Variants in PSMD1 observed in about 807,000 individuals in gnomAD.
PSMD1 encodes the protein 26S proteasome non-ATPase regulatory subunit 1.
In PSMD1, 18 loss-of-function variants were observed where a neutral mutation model predicts 119.0. The observed-to-expected ratio is 0.15, with a 90% CI of 0.10 to 0.22. The LOEUF (loss-of-function observed/expected upper bound fraction) is 0.22, where lower values mean the gene tolerates loss of function less well. PSMD1 is among the 10% of genes least tolerant of loss of function. The probability of loss-of-function intolerance (pLI) is 1.00; values close to 1 mark genes in which losing one functional copy is unlikely to be tolerated. For synonymous variants in PSMD1, 374 were observed against 396.6 expected (o/e 0.94, Z 0.68); for missense variants, 702 against 1,158.5 (o/e 0.61, Z 5.72).
chr2:231,091,952 CAG>C lies in PSMD1; in HGVS notation c.1883+4772_1883+4773del, dbSNP rs983477473. On this transcript the variant is annotated intron_variant, in intron 16 of 24. Transcript: ENST00000308696. ...TCCCCTGTATATTCTAAGGCAGCCTCAGGGGCTTGCAGGCGTGCAAGAATCTT... is the reference window on the plus strand; with the variant it reads ...TCCCCTGTATATTCTAAGGCAGCCTCGGGCTTGCAGGCGTGCAAGAATCTT... 7.9e-5 allele frequency among the ~76,000 whole-genome samples: 12 copies of C among 152,248 alleles called. No individual in the cohort carries two copies. The East Asian group carries it at 9.7e-4, about 12-fold the overall frequency.
At chr2:231,161,550 A>T (rs1472491075) in intron 20 of PSMD1, 41 bp downstream of exon 20, 1 of 1,546,138 alleles carries the variant, frequency 6.5e-7, no homozygotes, top group Non-Finnish European at 8.8e-7. Context: ...TTTCCTGTTC[A>T]CCGTATCTTA....
At chr2:231,131,485 G>T (rs1328274998) in intron 16 of PSMD1, among the ~76,000 whole-genome samples, 1 of 106,672 alleles carries the variant, frequency 9.4e-6, no homozygotes, top group Non-Finnish European at 1.7e-5. Flanking sequence ...TGCCCTTGCC[G>T]GGCGCGGTGG....
chr2:231,158,267 G>A (rs11893395), intron 19 of PSMD1, among the ~76,000 whole-genome samples: 65,911 of 151,760 alleles, frequency 0.43, 15,705 homozygotes, highest in East Asian at 0.62. Context: ...CTGAGATTGT[G>A]CCACCGCACT....
At chr2:231,057,597 T>C (rs1693635386) in intron 1 of PSMD1, among the ~76,000 whole-genome samples, 1 of 152,238 alleles carries the variant, frequency 6.6e-6, no homozygotes, top group Non-Finnish European at 1.5e-5. Context: ...CAGAGAACTT[T>C]TGGGTTCGGC....
intron 19 of PSMD1, among the ~76,000 whole-genome samples, chr2:231,159,952 A>G (rs185967155): frequency 1.3e-5 from 2 of 152,236 alleles, no homozygotes; most frequent in Non-Finnish European, 1.5e-5. Flanking sequence ...ATCTAATGCC[A>G]CAGCTGATTT....
chr2:231,111,248 C>T (rs185627217), intron 16 of PSMD1, among the ~76,000 whole-genome samples: 1 of 152,304 alleles, frequency 6.6e-6, no homozygotes, highest in Admixed American at 6.5e-5. Context: ...AGAACAATCC[C>T]TAAGATTATG....
intron 16 of PSMD1, among the ~76,000 whole-genome samples, chr2:231,093,090 C>T (rs1486272960): frequency 6.6e-6 from 1 of 152,016 alleles, no homozygotes; most frequent in Non-Finnish European, 1.5e-5. Flanking sequence ...GGTGTCTGCC[C>T]AAGTAACAGG....
At chr2:231,113,684 C>A (rs1467680113) in intron 16 of PSMD1, 1 of 1,559,548 alleles carries the variant, frequency 6.4e-7, no homozygotes, top group South Asian at 1.1e-5. Context: ...CCAAGTGGAA[C>A]CAAAGATTTT....
chr2:231,069,284 A>T (rs973836881), intron 5 of PSMD1, among the ~76,000 whole-genome samples: 1 of 150,922 alleles, frequency 6.6e-6, no homozygotes, highest in Non-Finnish European at 1.5e-5. Flanking sequence ...ACTAATACCT[A>T]CTCTTACTAC....
chr2:231,154,398 C>T (rs770356253), intron 19 of PSMD1, among the ~76,000 whole-genome samples: 1 of 152,204 alleles, frequency 6.6e-6, no homozygotes, highest in Non-Finnish European at 1.5e-5. Context: ...TGCTCCACTG[C>T]ACTCCAGTCT....
intron 19 of PSMD1, among the ~76,000 whole-genome samples, chr2:231,156,440 C>T (rs548489912): frequency 6.6e-6 from 1 of 152,110 alleles, no homozygotes; most frequent in African/African-American, 2.4e-5. Flanking sequence ...ATGTGTCTAC[C>T]ATAACAGTAT....
Position 231,113,949 on chromosome 2 carries a change from GACAA to G in PSMD1, c.1884-24783_1884-24780del, listed in dbSNP as rs371058468. Reference sequence around the variant, plus strand: ...TAGCCTCTGAAAGAAACAAAAACAAGACAAACATTTTATTCTATAAAATGGCAAC... The same window carrying G: ...TAGCCTCTGAAAGAAACAAAAACAAGACATTTTATTCTATAAAATGGCAAC... On this transcript the variant is annotated intron_variant, in intron 16 of 24. Coordinates refer to ENST00000308696, the MANE Select transcript of PSMD1 (RefSeq NM_002807.4). 244 of 1,602,942 alleles carry G rather than the reference GACAA, an allele frequency of 1.5e-4. No individual in the cohort carries two copies. The African/African-American group carries it at 2.9e-3, about 19-fold the overall frequency.
At chr2:231,109,530 C>A in intron 16 of PSMD1, 1 of 832,702 alleles carries the variant, frequency 1.2e-6, no homozygotes, top group Non-Finnish European at 1.9e-6. Context: ...TTCCTGGGAC[C>A]CACAATGCAG....
rs142864331 is a variant in PSMD1 at position 231,075,273 on chromosome 2, G to T, written c.882-238G>T. The stretch of plus-strand genomic sequence containing the variant: ...AGGAGATATTTTGTCGCCTGTTCTT[G>T]TTGTATTTGTTGTCCATGGTTTTGC... On this transcript the variant is annotated intron_variant, in intron 7 of 24. Transcript: ENST00000308696. 1.2e-3 allele frequency among the ~76,000 whole-genome samples: 185 copies of T among 152,272 alleles called. 1 individual carries two copies. The highest frequency in any genetic ancestry group is 4.2e-3 in the African/African-American group (173 of 41,568).
At chr2:231,152,084 G>T (rs1696389385) in intron 18 of PSMD1, among the ~76,000 whole-genome samples, 1 of 152,016 alleles carries the variant, frequency 6.6e-6, no homozygotes, top group Non-Finnish European at 1.5e-5. Context: ...CCAAAGTGCT[G>T]GGATTACAGT....
At chr2:231,098,653 G>T (rs1431694876) in intron 16 of PSMD1, among the ~76,000 whole-genome samples, 2 of 151,990 alleles carry the variant, frequency 1.3e-5, no homozygotes, top group East Asian at 3.9e-4. Flanking sequence ...ACTTCCTCTA[G>T]GGGAGGGACC....
chr2:231,148,661 C>G (rs1179934516), intron 18 of PSMD1, among the ~76,000 whole-genome samples: 1 of 152,188 alleles, frequency 6.6e-6, no homozygotes, highest in Non-Finnish European at 1.5e-5. Context: ...ACATGTGAAA[C>G]TCAAAAATTC....
At chr2:231,085,402 A>G (rs951216587) in intron 15 of PSMD1, among the ~76,000 whole-genome samples, 2 of 152,250 alleles carry the variant, frequency 1.3e-5, no homozygotes, top group Admixed American at 6.5e-5. Flanking sequence ...TGTAAGGGAT[A>G]AGACCTTGTG....
chr2:231,072,072 C>T (rs1694054170), intron 6 of PSMD1, 117 bp from the exon 7 acceptor site: 2 of 766,350 alleles, frequency 2.6e-6, no homozygotes, highest in Non-Finnish European at 2.1e-6. Flanking sequence ...GGATAGTCTG[C>T]CCTAGTTTGC....
Sources: gnomAD v4.1 joint callset for allele counts (sites outside exome capture counted in the v4.1 genomes callset) on GRCh38, gnomAD v4.1.1 for gene constraint, MANE v1.5 for transcripts, NCBI Gene and HGNC (gene_info 2026-07-23, HGNC 2026-07-21) for gene names.